Variants in PRPF8 observed in about 807,000 individuals in gnomAD.
PRPF8 encodes the protein pre-mRNA-processing-splicing factor 8.
A neutral mutation model predicts 285.9 loss-of-function variants in PRPF8; 64 were observed. That is an observed-to-expected ratio of 0.22 (90% confidence interval 0.18 to 0.28). PRPF8 has a LOEUF of 0.28. Ranked by LOEUF, PRPF8 falls within the 10% of genes least tolerant of loss-of-function variation. The probability of loss-of-function intolerance (pLI) is 1.00; values close to 1 mark genes in which losing one functional copy is unlikely to be tolerated. For missense variants in PRPF8, 1,426 were observed against 3,026.7 expected (o/e 0.47, Z 12.41); for synonymous variants, 1,325 against 1,118.2 (o/e 1.18, Z -3.69).
intron 42 of PRPF8, 26 bp from the exon 43 acceptor site, chr17:1,650,982 G>T (rs781270941): frequency 4.3e-6 from 7 of 1,614,174 alleles, no homozygotes; most frequent in Non-Finnish European, 5.9e-6. Flanking sequence ...AACAGCCAAT[G>T]TTAACAGGGC....
Position 1,651,217 on chromosome 17 carries a change from G to C in PRPF8, c.6744C>G (p.Pro2248=). ...CATAGTGTGAAGGCAGGTAGCCCTTGGGGTTGTTGCCCTTGTCTGTGTTCT... is the reference window on the plus strand; with the variant it reads ...CATAGTGTGAAGGCAGGTAGCCCTTCGGGTTGTTGCCCTTGTCTGTGTTCT... ...GRQNTDKGNN[P]KGYLPSHYER... The change falls in exon 42 of 43, where the codon CCC becomes CCG. Residue 2248 remains proline (P), a synonymous_variant. Coordinates refer to ENST00000304992, the MANE Select transcript of PRPF8 (RefSeq NM_006445.4). The surrounding 1 kb of genome is among the most constrained non-coding windows in gnomAD (Gnocchi z 5.1). The C allele has an allele frequency of 6.2e-7, 1 of 1,614,128 alleles. No homozygotes were observed.
rs1913154933 is a variant in PRPF8, at chr17:1,684,778, A to G, written c.-12+2T>C. ...GCCCGGCCTTAAACGCCTGCCACGC[A>G]CCCCACAGGCCCTCACACAAGAGGC... On this transcript the variant is annotated splice_donor_variant, in intron 1 of 42. Coordinates refer to ENST00000304992, the MANE Select transcript of PRPF8 (RefSeq NM_006445.4). LOFTEE classifies it low-confidence loss of function (5UTR_SPLICE). 1 of 623,820 alleles carries G rather than the reference A, an allele frequency of 1.6e-6. No individual in the cohort carries two copies. The highest frequency in any genetic ancestry group is 2.7e-5 in the Admixed American group (1 of 37,366). 38.6% of individuals were successfully genotyped at this position (623,820 alleles called of 1,614,324 possible). A position where few individuals can be genotyped will look rare whatever the true frequency, so the allele number is the denominator to read the frequency against.
rs370011400 is a variant in PRPF8 at position 1,675,902 on chromosome 17, A to G, written c.2679+26T>C. On this transcript the variant is annotated intron_variant, in intron 18 of 42. Coordinates refer to ENST00000304992, the MANE Select transcript of PRPF8 (RefSeq NM_006445.4). This position sits in a 1 kb window ranked among gnomAD's most constrained non-coding sequence, Gnocchi z 6.0. ...AACTGCTACCTTTGGTAGAACCAAA[A>G]AGAAAACTTGGGAGGCCTCACTCAC... 6.3e-5 allele frequency: 101 copies of G among 1,613,964 alleles called. No homozygotes were observed. The highest frequency in any genetic ancestry group is 3.2e-4 in the Admixed American group (19 of 60,012).
chr17:1,654,733 G>A, intron 37 of PRPF8: 1 of 163,274 alleles, frequency 6.1e-6, no homozygotes, highest in Non-Finnish European at 1.4e-5. Context: ...CCGGGCTCAA[G>A]CAAGCCTCCT....
Position 1,653,701 on chromosome 17 carries a change from G to C in PRPF8, c.6228-18C>G, listed in dbSNP as rs1249814469. ...AGATGGCCCTAAAAACAGGCAGGGA[G>C]TGTCAGCATCGCTCAGCCCAGCACC... On this transcript the variant is annotated intron_variant, in intron 38 of 42. Transcript: ENST00000304992. The surrounding 1 kb of genome is among the most constrained non-coding windows in gnomAD (Gnocchi z 4.9). 5.6e-6 allele frequency: 9 copies of C among 1,614,184 alleles called. No individual in the cohort carries two copies. Among genetic ancestry groups the C allele is most frequent in the Non-Finnish European group, 5.9e-6 (7 of 1,180,034 alleles).
At chr17:1,669,554 A>C (rs28369495) in intron 24 of PRPF8, among the ~76,000 whole-genome samples, 7,032 of 152,276 alleles carry the variant, frequency 0.046, 461 homozygotes, top group African/African-American at 0.14. Flanking sequence ...ACTGACAAAC[A>C]GATTGTCCTT....
chr17:1,680,196 C>T (rs1912828352), intron 8 of PRPF8, among the ~76,000 whole-genome samples: 1 of 152,178 alleles, frequency 6.6e-6, no homozygotes, highest in South Asian at 2.1e-4. Flanking sequence ...GTGTACGATT[C>T]TATTTCATTC....
At chr17:1,684,749 C>A in intron 1 of PRPF8, 31 bp downstream of exon 1, 3 of 663,016 alleles carry the variant, frequency 4.5e-6, no homozygotes, top group Non-Finnish European at 8.0e-6. Context: ...CCACGCCTCC[C>A]GCAGCCCGGC....
intron 24 of PRPF8, among the ~76,000 whole-genome samples, chr17:1,667,930 G>A (rs557373841): frequency 5.9e-5 from 9 of 152,082 alleles, no homozygotes; most frequent in South Asian, 2.1e-4. Context: ...CTCCCACCTC[G>A]GCTTCCAAAA....
intron 13 of PRPF8, among the ~76,000 whole-genome samples, chr17:1,678,009 A>T (rs906818225): frequency 1.3e-5 from 2 of 152,146 alleles, no homozygotes; most frequent in Non-Finnish European, 2.9e-5. Flanking sequence ...ATGAAAAAAG[A>T]TCTGAGAAAG....
At chr17:1,677,230 T>TC in intron 14 of PRPF8, 58 bp from the exon 15 acceptor site, 2 of 1,494,096 alleles carry the variant, frequency 1.3e-6, no homozygotes, top group Non-Finnish European at 9.3e-7. Flanking sequence ...TCAATAAGGG[T>TC]CTCTACCTTC....
At chr17:1,683,464 A>G in intron 3 of PRPF8, 69 bp downstream of exon 3, 3 of 1,550,514 alleles carry the variant, frequency 1.9e-6, no homozygotes, top group Non-Finnish European at 2.7e-6. Context: ...GCATCAATCC[A>G]AGACTGTGGG....
rs16950627 is a variant in PRPF8 at position 1,654,287 on chromosome 17, C to G, written c.5988-271G>C. 2,940 of 589,744 alleles carry G rather than the reference C, an allele frequency of 5.0e-3. 66 individuals carry two copies. The highest frequency in any genetic ancestry group is 0.048 in the African/African-American group (2,602 of 53,846). 36.5% of individuals were successfully genotyped at this position (589,744 alleles called of 1,614,324 possible). On this transcript the variant is annotated intron_variant, in intron 37 of 42. Transcript: ENST00000304992. ...TTCCTTGACCAAAACAATGCTCTGG[C>G]ATGGAACTGTTCTCAGAAATGGAAA... is the stretch of plus-strand genomic sequence containing the variant.
At chr17:1,683,453 A>G in intron 3 of PRPF8, 80 bp downstream of exon 3, 2 of 1,484,278 alleles carry the variant, frequency 1.3e-6, no homozygotes, top group Admixed American at 1.7e-5. Context: ...GAGCTGTCAA[A>G]GCATCAATCC....
chr17:1,675,039 C>T lies in PRPF8; in HGVS notation c.3060+113G>A. ...CTGCCCGCCTCAGCCTCCCAAAGTG[C>T]TGGGATTACAGGCATGAGCCACCGC... On this transcript the variant is annotated intron_variant, in intron 20 of 42. Transcript: ENST00000304992. This position sits in a 1 kb window ranked among gnomAD's most constrained non-coding sequence, Gnocchi z 6.0. 1 of 1,288,722 alleles carries T rather than the reference C, an allele frequency of 7.8e-7. No homozygotes were observed. The highest frequency in any genetic ancestry group is 2.4e-5 in the East Asian group (1 of 41,948). 79.8% of individuals were successfully genotyped at this position (1,288,722 alleles called of 1,614,324 possible).
chr17:1,664,386 T>C (rs1195662500), intron 24 of PRPF8, among the ~76,000 whole-genome samples: 1 of 152,162 alleles, frequency 6.6e-6, no homozygotes, highest in Non-Finnish European at 1.5e-5. Flanking sequence ...ACTTAAGCAA[T>C]GTAACCAACT....
At position 1,679,650 on chromosome 17, in the gene PRPF8, A is replaced by T; in HGVS notation, c.1248T>A (p.Gly416=). ...WAPRPFNLRS[G]RTRRALDIPL... ...GTATGTCCAGGGCCCGACGGGTGCG[A>T]CCAGAGCGTAGGTTGAAGGGCCGCG... The change falls in exon 9 of 43, where the codon GGT becomes GGA. Residue 416 remains glycine, a synonymous_variant. Transcript: ENST00000304992. The surrounding 1 kb of genome is among the most constrained non-coding windows in gnomAD (Gnocchi z 4.7). The T allele has an allele frequency of 6.2e-7, 1 of 1,614,048 alleles. No homozygotes were observed. Among genetic ancestry groups the T allele is most frequent in the Non-Finnish European group, 8.5e-7 (1 of 1,180,018 alleles).
chr17:1,684,361 A>T, intron 2 of PRPF8, 111 bp downstream of exon 2: 1 of 1,041,182 alleles, frequency 9.6e-7, no homozygotes, highest in South Asian at 1.3e-5. Flanking sequence ...GGAAATAACA[A>T]GGGAGCTGAC....
At chr17:1,682,322 C>T in intron 3 of PRPF8, 29 bp from the exon 4 acceptor site, 1 of 1,611,334 alleles carries the variant, frequency 6.2e-7, no homozygotes, top group African/African-American at 1.3e-5. Context: ...AGAAGGCTAT[C>T]AGAAATGACG....
Sources: allele counts gnomAD v4.1 joint callset (sites outside exome capture counted in the v4.1 genomes callset), GRCh38; gene constraint gnomAD v4.1.1; non-coding constraint Gnocchi (gnomAD v3.1); transcripts MANE v1.5; gene names NCBI Gene and HGNC (gene_info 2026-07-23, HGNC 2026-07-21).